Variants in GALNT16 observed in about 807,000 individuals in gnomAD.
The protein encoded by GALNT16 is UDP-GalNAc:polypeptide N-acetylgalactosaminyltransferase-like protein 1.
GALNT16 carries 40 observed loss-of-function variants against 76.1 expected under a neutral mutation model. The observed-to-expected ratio is 0.53, with a 90% CI of 0.41 to 0.68. The LOEUF (loss-of-function observed/expected upper bound fraction) is 0.68, where lower values mean the gene tolerates loss of function less well. Ranked by LOEUF, GALNT16 falls within the 30% of genes least tolerant of loss-of-function variation. The pLI is 0.00. For missense variants in GALNT16, 621 were observed against 731.9 expected, an observed-to-expected ratio of 0.85 and a Z score of 1.75; for synonymous variants, 276 against 285.2, an observed-to-expected ratio of 0.97 and a Z score of 0.32.
chr14:69,320,980 T>C, intron 2 of GALNT16, 112 bp downstream of exon 2: 1 of 1,098,210 alleles, frequency 9.1e-7, no homozygotes, highest in Non-Finnish European at 1.3e-6. Context: ...CCTCAGACTG[T>C]GTCCAGTGAT....
chr14:69,296,728 T>TA (rs1555397885), intron 1 of GALNT16, among the ~76,000 whole-genome samples: 13 of 142,058 alleles, frequency 9.2e-5, no homozygotes, highest in East Asian at 7.5e-4. Flanking sequence ...GACAGATAGA[T>TA]GATAGATAGA....
chr14:69,350,349 A>T (rs1005941033), intron 14 of GALNT16: 1 of 152,278 alleles, frequency 6.6e-6, no homozygotes, highest in Non-Finnish European at 1.5e-5. Context: ...GGAGTAAGAC[A>T]CTATATTACA....
At chr14:69,299,612 A>G (rs1209178460) in intron 1 of GALNT16, among the ~76,000 whole-genome samples, 1 of 152,150 alleles carries the variant, frequency 6.6e-6, no homozygotes, top group Admixed American at 6.5e-5. Context: ...AGGTTCTGTC[A>G]TTGTCCCCAT....
intron 10 of GALNT16, 75 bp from the exon 11 acceptor site, chr14:69,339,452 C>A: frequency 1.1e-6 from 1 of 870,528 alleles, no homozygotes; most frequent in Non-Finnish European, 2.0e-6. Context: ...ATTCATGGAT[C>A]GATTAATCTT....
chr14:69,380,521 C>CCCTG, the GALNT16 span: 2 of 1,367,722 alleles, frequency 1.5e-6, no homozygotes, highest in Non-Finnish European at 2.1e-6. Context: ...CCAACCCCCC[C>CCCTG]AGTGCTTCCA....
chr14:69,359,679 G>A (rs1331929282), downstream of GALNT16, among the ~76,000 whole-genome samples: 1 of 152,186 alleles, frequency 6.6e-6, no homozygotes, highest in Non-Finnish European at 1.5e-5. Context: ...ACTCTCACAG[G>A]AGCATGTGTC....
chr14:69,339,765 G>C, intron 11 of GALNT16, 146 bp downstream of exon 11: 2 of 588,162 alleles, frequency 3.4e-6, no homozygotes, highest in South Asian at 4.2e-5. Context: ...TTTGGGTCCT[G>C]GGAGGGAATG....
At chr14:69,381,194 T>C in the GALNT16 span, among the ~76,000 whole-genome samples, 476 of 152,274 alleles carry the variant, frequency 3.1e-3, 4 homozygotes, top group African/African-American at 0.011. Context: ...GGCAAGGGAA[T>C]TGCTTCAACC....
chr14:69,312,833 G>A (rs2045047517), intron 1 of GALNT16, among the ~76,000 whole-genome samples: 1 of 152,150 alleles, frequency 6.6e-6, no homozygotes, highest in African/African-American at 2.4e-5. Context: ...TGTGTGCCGG[G>A]CACCAGAGGC....
At chr14:69,365,851 C>T in the GALNT16 span, among the ~76,000 whole-genome samples, 2 of 152,136 alleles carry the variant, frequency 1.3e-5, no homozygotes, top group Admixed American at 1.3e-4. Flanking sequence ...TTACTACATA[C>T]CAAGCAGGGT....
chr14:69,314,764 G>A (rs2045077031), intron 1 of GALNT16, among the ~76,000 whole-genome samples: 1 of 152,204 alleles, frequency 6.6e-6, no homozygotes, highest in Admixed American at 6.5e-5. Context: ...TTACTCCCAG[G>A]GGAGTGGGGA....
At chr14:69,384,533 GGAGT>G in the GALNT16 span, among the ~76,000 whole-genome samples, 3 of 152,090 alleles carry the variant, frequency 2.0e-5, no homozygotes, top group African/African-American at 7.2e-5. Flanking sequence ...CCACTTACTG[GGAGT>G]AAGTATGACA....
intron 9 of GALNT16, among the ~76,000 whole-genome samples, chr14:69,336,687 C>T (rs2140185193): frequency 6.6e-6 from 1 of 151,800 alleles, no homozygotes; most frequent in East Asian, 1.9e-4. Flanking sequence ...ATCTGATATG[C>T]TGTATTTATT....
At chr14:69,266,486 C>T (rs2044344049) in intron 1 of GALNT16, among the ~76,000 whole-genome samples, 1 of 152,190 alleles carries the variant, frequency 6.6e-6, no homozygotes. Context: ...CAAAACTTAG[C>T]ATTGAGCCAA....
At position 69,322,925 on chromosome 14, in the gene GALNT16, G is replaced by GGTGTGTGTGTGT. The variant is rs766188989; in HGVS notation, c.336-1721_336-1710dup. On this transcript the variant is annotated intron_variant, in intron 2 of 14. Transcript: ENST00000448469. ...AAAAGAAAGCTGAGGTGGCTCACGG[G>GGTGTGTGTGTGT]GTGTGTGTGTGTGTGTGTGTGTGTG... Among the ~76,000 whole-genome samples the GGTGTGTGTGTGT allele has an allele frequency of 1.0e-3, 104 of 103,850 alleles. 1 individual carries two copies. The highest frequency in any genetic ancestry group is 1.2e-3 in the Non-Finnish European group (67 of 54,514). The allele number at this position is 103,850 out of a possible 152,430, so 68.1% of individuals were successfully genotyped here.
chr14:69,270,922 C>T (rs780285196), intron 1 of GALNT16, among the ~76,000 whole-genome samples: 4 of 145,450 alleles, frequency 2.8e-5, no homozygotes, highest in Non-Finnish European at 6.0e-5. Context: ...TGAGCACAGC[C>T]CCCACAAATA....
chr14:69,371,801 G>A, the GALNT16 span, among the ~76,000 whole-genome samples: 31 of 151,492 alleles, frequency 2.0e-4, 1 homozygote, highest in South Asian at 5.7e-3. Flanking sequence ...AAAATTAACC[G>A]GGCGTGGTGG....
At chr14:69,367,399 A>G in the GALNT16 span, among the ~76,000 whole-genome samples, 1 of 151,974 alleles carries the variant, frequency 6.6e-6, no homozygotes, top group Non-Finnish European at 1.5e-5. Flanking sequence ...AAGACACCCT[A>G]GAGAACTCTC....
chr14:69,302,671 C>T (rs1392560406), intron 1 of GALNT16, among the ~76,000 whole-genome samples: 1 of 152,066 alleles, frequency 6.6e-6, no homozygotes. Context: ...ATTTTAATGG[C>T]TATATTGTAT....
Sources: allele counts gnomAD v4.1 joint callset (sites outside exome capture counted in the v4.1 genomes callset), GRCh38; gene constraint gnomAD v4.1.1; transcripts MANE v1.5; gene names NCBI Gene and HGNC (gene_info 2026-07-23, HGNC 2026-07-21).